Variants in PCDH9 observed in about 807,000 individuals in gnomAD.
PCDH9 encodes the protein protocadherin-9.
Under a neutral mutation model 70.6 loss-of-function variants are expected in PCDH9, and 24 were observed. The ratio of observed to expected loss-of-function variants is 0.34; its 90% CI spans 0.25 to 0.48. PCDH9 has a LOEUF of 0.48. PCDH9 is among the 20% of genes least tolerant of loss of function. PCDH9 has a pLI of 0.99. For synonymous variants in PCDH9, 562 were observed against 558.5 expected (o/e 1.01, Z -0.09); for missense variants, 1,281 against 1,503.6 (o/e 0.85, Z 2.45).
intron 3 of PCDH9, among the ~76,000 whole-genome samples, chr13:66,883,172 A>C (rs1488498113): frequency 1.3e-5 from 2 of 152,130 alleles, no homozygotes; most frequent in Non-Finnish European, 2.9e-5. Flanking sequence ...ATATATCTAC[A>C]TCACCTCTAA....
At chr13:66,733,154 C>A (rs1258013929) in intron 3 of PCDH9, among the ~76,000 whole-genome samples, 1 of 152,000 alleles carries the variant, frequency 6.6e-6, no homozygotes. Flanking sequence ...TTGAATCTAA[C>A]CTTGAAAATC....
intron 2 of PCDH9, among the ~76,000 whole-genome samples, chr13:67,124,409 G>A (rs1455109778): frequency 6.6e-6 from 1 of 152,254 alleles, no homozygotes; most frequent in East Asian, 1.9e-4. Context: ...TATGATATGT[G>A]TAATAAAAAA....
intron 4 of PCDH9, among the ~76,000 whole-genome samples, chr13:66,589,915 C>A (rs2077017005): frequency 6.6e-6 from 1 of 151,892 alleles, no homozygotes; most frequent in Admixed American, 6.6e-5. Flanking sequence ...GAAATTTTTT[C>A]TTTTAAATAT....
intron 4 of PCDH9, among the ~76,000 whole-genome samples, chr13:66,569,891 T>G (rs1057402002): frequency 2.0e-5 from 3 of 152,138 alleles, no homozygotes; most frequent in African/African-American, 7.2e-5. Flanking sequence ...GTCGTATGAT[T>G]CCACAATCAC....
chr13:66,961,087 T>C (rs2083338231), intron 2 of PCDH9, among the ~76,000 whole-genome samples: 1 of 152,188 alleles, frequency 6.6e-6, no homozygotes, highest in African/African-American at 2.4e-5. Context: ...CTGACTATAG[T>C]ACAAAAAATT....
intron 2 of PCDH9, among the ~76,000 whole-genome samples, chr13:67,164,293 T>C (rs1467143300): frequency 6.6e-6 from 1 of 152,102 alleles, no homozygotes; most frequent in Non-Finnish European, 1.5e-5. Flanking sequence ...AAGAAGAATA[T>C]ACGCCGGGCG....
At chr13:66,945,519 G>C (rs2083074346) in intron 2 of PCDH9, among the ~76,000 whole-genome samples, 1 of 151,908 alleles carries the variant, frequency 6.6e-6, no homozygotes, top group African/African-American at 2.4e-5. Flanking sequence ...TTTTCATATA[G>C]TTTTATTTTA....
At chr13:66,555,767 A>C (rs1020823910) in intron 4 of PCDH9, among the ~76,000 whole-genome samples, 2 of 151,664 alleles carry the variant, frequency 1.3e-5, no homozygotes, top group African/African-American at 4.8e-5. Context: ...TGTAAAACCT[A>C]GTTTAAATTT....
intron 4 of PCDH9, among the ~76,000 whole-genome samples, chr13:66,345,304 A>C (rs1194759669): frequency 6.6e-6 from 1 of 152,190 alleles, no homozygotes; most frequent in Non-Finnish European, 1.5e-5. Context: ...TTTTATCAGC[A>C]GAAGTACCAG....
At chr13:66,364,241 G>A (rs2138200487) in intron 4 of PCDH9, among the ~76,000 whole-genome samples, 1 of 152,190 alleles carries the variant, frequency 6.6e-6, no homozygotes, top group South Asian at 2.1e-4. Flanking sequence ...TTATTTAAAT[G>A]CATATTCATA....
chr13:66,848,927 CAAA>C (rs745587776), intron 3 of PCDH9, among the ~76,000 whole-genome samples: 5 of 51,292 alleles, frequency 9.7e-5, no homozygotes, highest in Admixed American at 2.0e-4. Context: ...GACTCCGTCT[CAAA>C]AAAAAAAAAA....
intron 3 of PCDH9, among the ~76,000 whole-genome samples, chr13:66,801,429 G>A (rs115432672): frequency 0.013 from 1,989 of 152,164 alleles, 54 homozygotes; most frequent in African/African-American, 0.044. Flanking sequence ...TACACTTACT[G>A]ATATTTGCCC....
chr13:67,045,507 G>T (rs991963924), intron 2 of PCDH9, among the ~76,000 whole-genome samples: 1 of 151,188 alleles, frequency 6.6e-6, no homozygotes, highest in Non-Finnish European at 1.5e-5. Flanking sequence ...AGATCACTTG[G>T]TTTCTAGCTT....
chr13:66,656,513 CCTTTCTTTTT>C (rs1177192522), intron 3 of PCDH9, among the ~76,000 whole-genome samples: 1 of 151,986 alleles, frequency 6.6e-6, no homozygotes, highest in Non-Finnish European at 1.5e-5. Context: ...CTAATTATTT[CCTTTCTTTTT>C]CTTTCTTTAA....
intron 2 of PCDH9, among the ~76,000 whole-genome samples, chr13:66,979,070 A>G (rs2083683797): frequency 6.6e-6 from 1 of 152,122 alleles, no homozygotes; most frequent in Non-Finnish European, 1.5e-5. Flanking sequence ...TAGCAAAGAA[A>G]GACATGACGT....
At chr13:66,533,343 A>T (rs1960552087) in intron 4 of PCDH9, among the ~76,000 whole-genome samples, 2 of 151,988 alleles carry the variant, frequency 1.3e-5, no homozygotes, top group South Asian at 4.2e-4. Context: ...CTAGTCTCTC[A>T]TATTAAACCA....
At position 66,678,638 on chromosome 13, in the gene PCDH9, A is replaced by G. The variant is rs541689115; in HGVS notation, c.3139-47227T>C. Among the ~76,000 whole-genome samples, 12 of 152,188 alleles carry G rather than the reference A, an allele frequency of 7.9e-5. No individual in the cohort carries two copies. In the East Asian group the frequency reaches 2.3e-3, roughly 29 times the overall value. ...AGGCACTGTTCTAAACATGTCTTAC[A>G]TGCTTAACACACTTAAAAACCTATT... On this transcript the variant is annotated intron_variant, in intron 3 of 4. Coordinates refer to ENST00000377865, the MANE Select transcript of PCDH9 (RefSeq NM_203487.3).
chr13:66,362,242 C>G (rs1406175435), intron 4 of PCDH9, among the ~76,000 whole-genome samples: 1 of 152,118 alleles, frequency 6.6e-6, no homozygotes, highest in Non-Finnish European at 1.5e-5. Flanking sequence ...GGTTTAAACT[C>G]AGTCTATTAG....
chr13:66,879,532 C>T (rs2081884906), intron 3 of PCDH9, among the ~76,000 whole-genome samples: 1 of 152,082 alleles, frequency 6.6e-6, no homozygotes, highest in African/African-American at 2.4e-5. Flanking sequence ...CACATCATTA[C>T]AGATGACATG....
Sources: allele counts gnomAD v4.1 joint callset (sites outside exome capture counted in the v4.1 genomes callset), GRCh38; gene constraint gnomAD v4.1.1; transcripts MANE v1.5; gene names NCBI Gene and HGNC (gene_info 2026-07-23, HGNC 2026-07-21).